The following RSBN1L variants were observed in gnomAD, a reference collection of about 807,000 sequenced individuals.
RSBN1L encodes the protein lysine-specific demethylase RSBN1L.
Under a neutral mutation model 67.7 loss-of-function variants are expected in RSBN1L, and 30 were observed. The ratio of observed to expected loss-of-function variants is 0.44; its 90% CI spans 0.33 to 0.60. RSBN1L has a LOEUF of 0.60. Among genes scored for constraint, RSBN1L ranks in the 20% least tolerant of loss-of-function variants. RSBN1L has a pLI of 0.02. For synonymous variants in RSBN1L, 433 were observed against 387.0 expected (o/e 1.12, Z -1.39); for missense variants, 992 against 1,031.7 (o/e 0.96, Z 0.53).
intron 6 of RSBN1L, among the ~76,000 whole-genome samples, chr7:77,775,440 A>T (rs536807723): frequency 6.6e-6 from 1 of 152,196 alleles, no homozygotes; most frequent in East Asian, 1.9e-4. Context: ...GAGGCACAAG[A>T]ATTGCTTGAA....
At chr7:77,732,182 A>G (rs1479515687) in intron 1 of RSBN1L, among the ~76,000 whole-genome samples, 1 of 152,236 alleles carries the variant, frequency 6.6e-6, no homozygotes, top group African/African-American at 2.4e-5. Flanking sequence ...TGTGAAGGAT[A>G]AAACCATACA....
intron 1 of RSBN1L, among the ~76,000 whole-genome samples, chr7:77,734,655 A>G (rs1254143400): frequency 1.3e-5 from 2 of 152,030 alleles, no homozygotes; most frequent in Non-Finnish European, 2.9e-5. Flanking sequence ...CATCCGGCTA[A>G]TTTTTGTATT....
intron 5 of RSBN1L, among the ~76,000 whole-genome samples, chr7:77,771,270 G>C (rs4729726): frequency 0.58 from 87,388 of 151,556 alleles, 27,288 homozygotes; most frequent in African/African-American, 0.84. Flanking sequence ...GACGGTTTTA[G>C]CTGTTACAGT....
intron 1 of RSBN1L, among the ~76,000 whole-genome samples, chr7:77,711,027 A>G (rs1297704510): frequency 6.6e-6 from 1 of 152,204 alleles, no homozygotes; most frequent in Non-Finnish European, 1.5e-5. Flanking sequence ...AATGACTTGC[A>G]GTATATTTCA....
At chr7:77,713,484 G>A (rs1156337940) in intron 1 of RSBN1L, among the ~76,000 whole-genome samples, 2 of 151,838 alleles carry the variant, frequency 1.3e-5, no homozygotes, top group Admixed American at 1.3e-4. Context: ...AGCCTCCCGA[G>A]TAGCTGGGAC....
intron 1 of RSBN1L, among the ~76,000 whole-genome samples, chr7:77,704,465 A>G (rs988348211): frequency 1.6e-4 from 24 of 152,168 alleles, no homozygotes; most frequent in Non-Finnish European, 3.2e-4. Context: ...TAACTTTTTA[A>G]TCATAAGATT....
intron 1 of RSBN1L, among the ~76,000 whole-genome samples, chr7:77,722,967 T>C (rs973254082): frequency 1.8e-5 from 2 of 109,544 alleles, no homozygotes; most frequent in African/African-American, 9.9e-5. Flanking sequence ...CTTTCTCTCT[T>C]CTTTTTTTTT....
chr7:77,760,700 C>T (rs1791687292), intron 3 of RSBN1L, among the ~76,000 whole-genome samples: 1 of 152,170 alleles, frequency 6.6e-6, no homozygotes, highest in Admixed American at 6.5e-5. Flanking sequence ...GTGGTGCGAT[C>T]TCGCTGGCTG....
intron 3 of RSBN1L, 120 bp downstream of exon 3, chr7:77,750,184 GGAGTATTAA>G (rs1284104908): frequency 4.0e-6 from 2 of 502,482 alleles, no homozygotes; most frequent in African/African-American, 4.0e-5. Context: ...AAACCATTTG[GGAGTATTAA>G]GAGTAAATTA....
At chr7:77,704,987 AAAG>A (rs1307196974) in intron 1 of RSBN1L, among the ~76,000 whole-genome samples, 3 of 101,494 alleles carry the variant, frequency 3.0e-5, no homozygotes, top group East Asian at 4.3e-4. Flanking sequence ...CAAAAAAAAA[AAAG>A]TTGTGTGTGT....
intron 1 of RSBN1L, among the ~76,000 whole-genome samples, chr7:77,705,206 A>G (rs111280590): frequency 9.1e-4 from 139 of 152,324 alleles, no homozygotes; most frequent in Non-Finnish European, 1.6e-3. Context: ...TGACTTTTTA[A>G]TATGACATTG....
intron 1 of RSBN1L, among the ~76,000 whole-genome samples, chr7:77,712,381 A>T (rs1383153326): frequency 6.6e-6 from 1 of 151,886 alleles, no homozygotes; most frequent in Non-Finnish European, 1.5e-5. Context: ...TCCAGGTTCA[A>T]GCCATTTTCC....
At chr7:77,698,947 G>T (rs1790776860) in intron 1 of RSBN1L, among the ~76,000 whole-genome samples, 1 of 151,834 alleles carries the variant, frequency 6.6e-6, no homozygotes, top group Non-Finnish European at 1.5e-5. Context: ...TCTAAAGTTT[G>T]GATTTAACTG....
chr7:77,750,346 G>A (rs1791541602), intron 3 of RSBN1L, among the ~76,000 whole-genome samples: 1 of 125,044 alleles, frequency 8.0e-6, no homozygotes, highest in East Asian at 2.5e-4. Flanking sequence ...TGAACCTAAG[G>A]AAATGAATTT....
chr7:77,738,137 A>C (rs111581031), intron 2 of RSBN1L, among the ~76,000 whole-genome samples: 1 of 152,066 alleles, frequency 6.6e-6, no homozygotes, highest in Non-Finnish European at 1.5e-5. Context: ...ATTTGAAAAT[A>C]TCATGCTGTA....
intron 1 of RSBN1L, among the ~76,000 whole-genome samples, chr7:77,707,841 CAG>C (rs1324529875): frequency 1.3e-5 from 2 of 152,046 alleles, no homozygotes. Context: ...TCTTTGAGGA[CAG>C]AAACAATAAT....
At chr7:77,756,958 A>C (rs770843591) in intron 3 of RSBN1L, among the ~76,000 whole-genome samples, 2 of 152,210 alleles carry the variant, frequency 1.3e-5, no homozygotes, top group Non-Finnish European at 2.9e-5. Context: ...AGGTTGTGCA[A>C]CCTGATGGTA....
chr7:77,704,929 A>C (rs988894334), intron 1 of RSBN1L, among the ~76,000 whole-genome samples: 1 of 152,020 alleles, frequency 6.6e-6, no homozygotes, highest in East Asian at 1.9e-4. Context: ...CCAAGATGGC[A>C]CCATTGCACT....
At chr7:77,736,178 A>C (rs1417224498) in intron 1 of RSBN1L, among the ~76,000 whole-genome samples, 2 of 152,144 alleles carry the variant, frequency 1.3e-5, no homozygotes, top group Non-Finnish European at 2.9e-5. Flanking sequence ...AGTGAAGAAT[A>C]CTTAGAATAA....
Sources: gnomAD v4.1 joint callset for allele counts (sites outside exome capture counted in the v4.1 genomes callset) on GRCh38, gnomAD v4.1.1 for gene constraint, MANE v1.5 for transcripts, NCBI Gene and HGNC (gene_info 2026-07-23, HGNC 2026-07-21) for gene names.